GLG1: variants seen among roughly 807,000 people sequenced by gnomAD.
GLG1 encodes the protein golgi glycoprotein 1, also known as Golgi apparatus protein 1.
GLG1 carries 38 observed loss-of-function variants against 160.5 expected under a neutral mutation model. That is an observed-to-expected ratio of 0.24 (90% CI 0.18 to 0.31). The LOEUF is 0.31. Among genes scored for constraint, GLG1 ranks in the 10% least tolerant of loss-of-function variants. The pLI is 1.00. For missense variants in GLG1, 1,373 were observed against 1,505.2 expected (o/e 0.91, Z 1.45); for synonymous variants, 644 against 543.4 (o/e 1.19, Z -2.57).
At chr16:74,592,152 T>C (rs1033193406) in intron 1 of GLG1, among the ~76,000 whole-genome samples, 7 of 152,014 alleles carry the variant, frequency 4.6e-5, no homozygotes, top group Admixed American at 1.3e-4. Context: ...ACTGATTGAT[T>C]GATTGATTGA....
chr16:74,492,420 C>T (rs574993283), intron 7 of GLG1, among the ~76,000 whole-genome samples: 7 of 151,312 alleles, frequency 4.6e-5, no homozygotes, highest in East Asian at 3.9e-4. Context: ...CAGTGGCTCA[C>T]GCCTGTAATC....
intron 2 of GLG1, among the ~76,000 whole-genome samples, chr16:74,521,206 T>C (rs1472170351): frequency 6.6e-6 from 1 of 152,050 alleles, no homozygotes; most frequent in Non-Finnish European, 1.5e-5. Context: ...GGGGCAACGG[T>C]CGTAGGAGAA....
At chr16:74,495,687 T>C (rs780565709) in intron 5 of GLG1, among the ~76,000 whole-genome samples, 68 of 152,290 alleles carry the variant, frequency 4.5e-4, no homozygotes, top group Non-Finnish European at 8.4e-4. Flanking sequence ...AAATATATAA[T>C]GCGTCAAAGT....
intron 1 of GLG1, among the ~76,000 whole-genome samples, chr16:74,558,822 T>A (rs1463482606): frequency 6.6e-6 from 1 of 152,202 alleles, no homozygotes; most frequent in East Asian, 1.9e-4. Context: ...AATTATGGCT[T>A]ACAATAAAAT....
intron 1 of GLG1, among the ~76,000 whole-genome samples, chr16:74,573,266 T>C (rs2018888411): frequency 6.6e-6 from 1 of 152,172 alleles, no homozygotes; most frequent in Admixed American, 6.5e-5. Context: ...AAGAATGTAT[T>C]GTAGGCAGAT....
chr16:74,469,983 A>G lies in GLG1; in HGVS notation c.2318+2T>C. ...GGAATGAAACAACTACAAGCTACAT[A>G]CTTCTTTTTTATGTTTGGGCAAAGC... On this transcript the variant is annotated splice_donor_variant, in intron 16 of 25. Transcript: ENST00000422840. LOFTEE classifies it high-confidence loss of function. The G allele has an allele frequency of 1.3e-6, 2 of 1,559,370 alleles. No homozygotes were observed. The highest frequency in any genetic ancestry group is 2.2e-5 in the South Asian group (2 of 90,006).
chr16:74,505,099 C>T (rs1488051242), intron 3 of GLG1, among the ~76,000 whole-genome samples: 2 of 152,150 alleles, frequency 1.3e-5, no homozygotes, highest in Admixed American at 1.3e-4. Context: ...AGAGAGCATT[C>T]TCCCCATTAG....
chr16:74,459,866 T>TA (rs2014716437), intron 22 of GLG1, 77 bp from the exon 23 acceptor site: 9 of 759,582 alleles, frequency 1.2e-5, no homozygotes, highest in Non-Finnish European at 1.7e-5. Context: ...TTTTTTTTTT[T>TA]ATTTTTTGAA....
Position 74,452,797 on chromosome 16 carries a change from C to A in GLG1, c.*370G>T. The A allele has an allele frequency of 1.0e-6, 1 of 1,002,484 alleles. No individual in the cohort carries two copies. The highest frequency in any genetic ancestry group is 1.2e-6 in the Non-Finnish European group (1 of 840,756). 62.1% of individuals were successfully genotyped at this position (1,002,484 alleles called of 1,614,324 possible). On this transcript the variant is annotated 3_prime_UTR_variant, in exon 26 of 26. Transcript: ENST00000422840. The stretch of plus-strand genomic sequence containing the variant: ...GATGCGTTACTATATACATTTTTTT[C>A]TTTAAAAAAATTTTTTTTTTTGGTG...
chr16:74,585,572 G>A (rs1958029035), intron 1 of GLG1, among the ~76,000 whole-genome samples: 1 of 152,044 alleles, frequency 6.6e-6, no homozygotes, highest in Non-Finnish European at 1.5e-5. Context: ...GCCGGGCATG[G>A]TAGTGTGCGC....
chr16:74,462,368 T>C (rs1311863066), intron 21 of GLG1, 120 bp downstream of exon 21: 12 of 967,542 alleles, frequency 1.2e-5, no homozygotes, highest in Non-Finnish European at 1.9e-5. Flanking sequence ...CCCCCCAGGT[T>C]CGGGAAGATA....
At position 74,586,118 on chromosome 16, in the gene GLG1, G is replaced by A. The variant is rs1439418784; in HGVS notation, c.438+20539C>T. Among the ~76,000 whole-genome samples, 3 of 150,772 alleles carry A rather than the reference G, an allele frequency of 2.0e-5. No homozygotes were observed. In the East Asian group the frequency reaches 5.8e-4, roughly 29 times the overall value. ...GTAAACAGGGTGAATCCTATGGTAA[G>A]TGAATTTCATCTCAATGAGTTAGAA... On this transcript the variant is annotated intron_variant, in intron 1 of 25. Transcript: ENST00000422840.
At chr16:74,598,951 T>A (rs922327538) in intron 1 of GLG1, among the ~76,000 whole-genome samples, 1 of 151,800 alleles carries the variant, frequency 6.6e-6, no homozygotes, top group African/African-American at 2.4e-5. Flanking sequence ...TTTGTTATTG[T>A]TCCTGAGTAA....
chr16:74,543,314 G>C (rs1464779713), intron 1 of GLG1, among the ~76,000 whole-genome samples: 11 of 152,216 alleles, frequency 7.2e-5, no homozygotes, highest in Admixed American at 1.3e-4. Context: ...TTTAAAAACA[G>C]AATCAGGCCA....
intron 5 of GLG1, 80 bp downstream of exon 5, chr16:74,496,361 A>T: frequency 1.0e-6 from 1 of 1,001,566 alleles, no homozygotes; most frequent in East Asian, 2.7e-5. Flanking sequence ...TCAAAAAACA[A>T]CACAATTAAA....
In GLG1 at chr16:74,450,961, C is replaced by T. The variant is rs1032752857; in HGVS notation, c.*2206G>A. 4 of 151,980 alleles carry T rather than the reference C, an allele frequency of 2.6e-5. No homozygotes were observed. Among genetic ancestry groups the T allele is most frequent in the African/African-American group, 7.3e-5 (3 of 41,354 alleles). 9.4% of individuals were successfully genotyped at this position (151,980 alleles called of 1,614,324 possible). A position where few individuals can be genotyped will look rare whatever the true frequency, so the allele number is the denominator to read the frequency against. On this transcript the variant is annotated 3_prime_UTR_variant, in exon 26 of 26. Transcript: ENST00000422840. ...TTCAGAAAGAACAGAAATATCAACA[C>T]AATTAGAACTATAAGGGTGTTTACG...
chr16:74,529,117 C>A (rs900937251), intron 2 of GLG1, among the ~76,000 whole-genome samples: 1 of 151,862 alleles, frequency 6.6e-6, no homozygotes, highest in African/African-American at 2.4e-5. Flanking sequence ...CAGGCACCTG[C>A]CACCACACCC....
chr16:74,604,094 T>C (rs1298765720), intron 1 of GLG1, among the ~76,000 whole-genome samples: 1 of 151,950 alleles, frequency 6.6e-6, no homozygotes, highest in Admixed American at 6.6e-5. Flanking sequence ...ATGTGGAGGC[T>C]TCAGTGAACT....
rs374123768 is a variant in GLG1 at position 74,606,855 on chromosome 16, T to C, written c.240A>G (p.Gln80=). ...SQLQQQQQQQ[Q]QQQQPQPPQP... The stretch of plus-strand genomic sequence containing the variant: ...GCGGCGGCTGAGGCTGCTGTTGCTG[T>C]TGCTGCTGCTGCTGTTGCTGCTGAA... Residue 80 remains glutamine, a synonymous_variant, in exon 1 of 26, where the codon CAA becomes CAG. Transcript: ENST00000422840. The C allele has an allele frequency of 2.9e-5, 46 of 1,597,952 alleles. No homozygotes were observed. Among genetic ancestry groups the C allele is most frequent in the Non-Finnish European group, 3.8e-5 (45 of 1,173,220 alleles).
Sources: gnomAD v4.1 joint callset for allele counts (sites outside exome capture counted in the v4.1 genomes callset) on GRCh38, gnomAD v4.1.1 for gene constraint, MANE v1.5 for transcripts, NCBI Gene and HGNC (gene_info 2026-07-23, HGNC 2026-07-21) for gene names.